Variants in ZNF234 observed in about 807,000 individuals in gnomAD.
ZNF234 encodes C2-H2 type zinc finger protein.
A neutral mutation model predicts 10.3 loss-of-function variants in ZNF234; 4 were observed. The observed-to-expected ratio is 0.39, with a 90% CI of 0.19 to 0.89. ZNF234 has a LOEUF of 0.89. ZNF234 is among the 40% of genes least tolerant of loss of function. The pLI, the probability that ZNF234 is intolerant of heterozygous loss-of-function variation, is 0.38. For synonymous variants in ZNF234, 258 were observed against 280.1 expected (o/e 0.92, Z 0.79); for missense variants, 711 against 836.1 (o/e 0.85, Z 1.85).
At chr19:44,153,287 C>G (rs1033582762) in intron 5 of ZNF234, among the ~76,000 whole-genome samples, 107 of 150,698 alleles carry the variant, frequency 7.1e-4, no homozygotes, top group Middle Eastern at 3.4e-3. Context: ...AATTAAGGAC[C>G]AGGTAACTTC....
chr19:44,158,250 T>G lies in ZNF234; in HGVS notation c.*131T>G. The G allele has an allele frequency of 9.8e-7, 1 of 1,023,474 alleles. No homozygotes were observed. Among genetic ancestry groups the G allele is most frequent in the Middle Eastern group, 2.6e-4 (1 of 3,802 alleles). The allele number at this position is 1,023,474 out of a possible 1,614,324, so 63.4% of individuals were successfully genotyped here. A position where few individuals can be genotyped will look rare whatever the true frequency, so the allele number is the denominator to read the frequency against. ...TAACGCTCCACATTTCCACCTAGACTTTTTTTTGTTTTTTATTTTTTGTTT... is the reference window on the plus strand; with the variant it reads ...TAACGCTCCACATTTCCACCTAGACGTTTTTTTGTTTTTTATTTTTTGTTT... On this transcript the variant is annotated 3_prime_UTR_variant, in exon 6 of 6. Transcript: ENST00000426739.
intron 3 of ZNF234, among the ~76,000 whole-genome samples, chr19:44,147,404 T>C (rs2147609401): frequency 1.3e-5 from 2 of 151,728 alleles, no homozygotes; most frequent in East Asian, 4.0e-4. Flanking sequence ...ATGCAGCTAA[T>C]TTTTTGTACT....
chr19:44,151,916 A>C (rs1206609876), intron 5 of ZNF234, among the ~76,000 whole-genome samples: 1 of 152,230 alleles, frequency 6.6e-6, no homozygotes, highest in East Asian at 1.9e-4. Flanking sequence ...TGCAACCTTA[A>C]TTACCCTTTG....
intron 3 of ZNF234, among the ~76,000 whole-genome samples, chr19:44,147,448 G>A (rs1029273196): frequency 1.3e-5 from 2 of 151,818 alleles, no homozygotes; most frequent in African/African-American, 4.8e-5. Flanking sequence ...ATGTTGCCCA[G>A]GCTGGTCTTG....
chr19:44,155,563 A>G (rs1968857862), intron 5 of ZNF234, among the ~76,000 whole-genome samples: 1 of 152,220 alleles, frequency 6.6e-6, no homozygotes, highest in African/African-American at 2.4e-5. Context: ...CAGAGATGGA[A>G]GAAAATCCAT....
chr19:44,154,114 C>T (rs1318324414), intron 5 of ZNF234, among the ~76,000 whole-genome samples: 1 of 152,104 alleles, frequency 6.6e-6, no homozygotes, highest in Non-Finnish European at 1.5e-5. Context: ...AGTAATAAAG[C>T]AGCCCTCATT....
chr19:44,143,078 A>G (rs1346907293), intron 2 of ZNF234, among the ~76,000 whole-genome samples: 1 of 152,040 alleles, frequency 6.6e-6, no homozygotes, highest in Admixed American at 6.6e-5. Flanking sequence ...TATTTCTCCT[A>G]TGACTATTTC....
At chr19:44,145,084 T>C (rs1968558268) in intron 3 of ZNF234, among the ~76,000 whole-genome samples, 1 of 152,184 alleles carries the variant, frequency 6.6e-6, no homozygotes, top group Non-Finnish European at 1.5e-5. Flanking sequence ...CCAAGCGTAT[T>C]GAGCGACAAC....
At chr19:44,151,327 C>T (rs1036540681) in intron 5 of ZNF234, among the ~76,000 whole-genome samples, 2 of 152,060 alleles carry the variant, frequency 1.3e-5, no homozygotes, top group African/African-American at 2.4e-5. Flanking sequence ...CTCAGCCTCC[C>T]AAGTAGCTGG....
In ZNF234 at chr19:44,159,816, C is replaced by A; in HGVS notation, c.*1697C>A. 1 of 260,664 alleles carries A rather than the reference C, an allele frequency of 3.8e-6. No homozygotes were observed. The highest frequency in any genetic ancestry group is 8.8e-5 in the East Asian group (1 of 11,370). 16.1% of individuals were successfully genotyped at this position (260,664 alleles called of 1,614,324 possible). The stretch of plus-strand genomic sequence containing the variant: ...TAGGAGGCCAAGGCAGGTGAATCAC[C>A]TGAGGTCAGGACTTAGAGACCAGCC... On this transcript the variant is annotated 3_prime_UTR_variant, in exon 6 of 6. Transcript: ENST00000426739.
At position 44,158,365 on chromosome 19, in the gene ZNF234, C is replaced by T. The variant is rs1412948826; in HGVS notation, c.*246C>T. On this transcript the variant is annotated 3_prime_UTR_variant, in exon 6 of 6. Transcript: ENST00000426739. Reference sequence around the variant, plus strand: ...CTCCACTTCCCGGGTTCAAGTGATTCTCCTGCCTCAGTGGATTACAGGTGC... The same window carrying T: ...CTCCACTTCCCGGGTTCAAGTGATTTTCCTGCCTCAGTGGATTACAGGTGC... 2.2e-6 allele frequency: 1 copy of T among 462,692 alleles called. No homozygotes were observed. Among genetic ancestry groups the T allele is most frequent in the Non-Finnish European group, 4.0e-6 (1 of 252,962 alleles). The allele number at this position is 462,692 out of a possible 1,614,324, so 28.7% of individuals were successfully genotyped here. A position where few individuals can be genotyped will look rare whatever the true frequency, so the allele number is the denominator to read the frequency against.
chr19:44,148,502 G>A (rs1248195456), intron 3 of ZNF234, among the ~76,000 whole-genome samples: 1 of 152,176 alleles, frequency 6.6e-6, no homozygotes, highest in Non-Finnish European at 1.5e-5. Flanking sequence ...CTCAGGATGC[G>A]TCATTTAGAG....
At chr19:44,150,876 A>T (rs537646926) in intron 5 of ZNF234, among the ~76,000 whole-genome samples, 513 of 152,132 alleles carry the variant, frequency 3.4e-3, no homozygotes, top group Non-Finnish European at 5.8e-3. Flanking sequence ...TCTACTAAAA[A>T]TACAAAAATT....
In ZNF234 at chr19:44,158,133, A is replaced by C; in HGVS notation, c.*14A>C. 2 of 1,584,728 alleles carry C rather than the reference A, an allele frequency of 1.3e-6. No homozygotes were observed. The highest frequency in any genetic ancestry group is 1.7e-6 in the Non-Finnish European group (2 of 1,172,820). On this transcript the variant is annotated 3_prime_UTR_variant, in exon 6 of 6. Coordinates refer to ENST00000426739, the MANE Select transcript of ZNF234 (RefSeq NM_006630.3). The stretch of plus-strand genomic sequence containing the variant: ...TCTACAAGGTGATTAAAAAAAAAAA[A>C]ACAGAACTCATGTACAACCTGAATG...
In ZNF234 at chr19:44,156,650, G is replaced by A. The variant is rs1568553714; in HGVS notation, c.634G>A (p.Glu212Lys). 1.1e-5 allele frequency: 17 copies of A among 1,614,136 alleles called. No homozygotes were observed. Among genetic ancestry groups the A allele is most frequent in the Non-Finnish European group, 1.4e-5 (17 of 1,180,016 alleles). Residue 212 changes from glutamate (E) to lysine (K), a missense_variant, in exon 6 of 6, where the codon GAA becomes AAA. Transcript: ENST00000426739. ...CTATAAGTGTGACGTGTGTGGTAAG[G>A]AATTTAGTCAGAGCTCACATCTTCA... ...KCYKCDVCGK[E>K]FSQSSHLQTH...
chr19:44,157,262 C>G lies in ZNF234; in HGVS notation c.1246C>G (p.Gln416Glu), dbSNP rs773279486. The G allele has an allele frequency of 7.4e-6, 12 of 1,613,812 alleles. No individual in the cohort carries two copies. The highest frequency in any genetic ancestry group is 1.7e-6 in the Non-Finnish European group (2 of 1,179,948). Residue 416 changes from glutamine (Q) to glutamate (E), a missense_variant, in exon 6 of 6, where the codon CAA becomes GAA. Transcript: ENST00000426739. ...GKSFRMKIHY[Q>E]VHLVVHTGEK... ...GAGCTTCAGAATGAAAATTCATTAT[C>G]AAGTGCATCTGGTAGTCCACACAGG...
rs1441966774 is a variant in ZNF234, at chr19:44,156,507, ATCT to A, written c.494_496del (p.Leu165del). 1.9e-6 allele frequency: 3 copies of A among 1,614,114 alleles called. No homozygotes were observed. Among genetic ancestry groups the A allele is most frequent in the Non-Finnish European group, 2.5e-6 (3 of 1,180,028 alleles). On this transcript the variant is annotated inframe_deletion, in exon 6 of 6. Transcript: ENST00000426739. ...TCCTTCACTGATGTCTTCAACTTTG[ATCT>A]TCATCAACAGTTACACTCAGGAGAG...
rs112737329 is a variant in ZNF234 at position 44,159,207 on chromosome 19, T to C, written c.*1088T>C. 1,778 of 152,404 alleles carry C rather than the reference T, an allele frequency of 0.012. 38 individuals are homozygous for C. Among genetic ancestry groups the C allele is most frequent in the African/African-American group, 0.041 (1,698 of 41,540 alleles). 9.4% of individuals were successfully genotyped at this position (152,404 alleles called of 1,614,324 possible). A position where few individuals can be genotyped will look rare whatever the true frequency, so the allele number is the denominator to read the frequency against. On this transcript the variant is annotated 3_prime_UTR_variant, in exon 6 of 6. Transcript: ENST00000426739. The stretch of plus-strand genomic sequence containing the variant: ...TTAATTTTATTTTTGAGACAGGACC[T>C]CGCTCTGTCACCGAGGCTGGAGTGC...
At chr19:44,145,203 G>A (rs1163546053) in intron 3 of ZNF234, among the ~76,000 whole-genome samples, 2 of 152,006 alleles carry the variant, frequency 1.3e-5, no homozygotes, top group Non-Finnish European at 2.9e-5. Context: ...TTTTCCTAAT[G>A]TGCATTCATA....
Sources: allele counts gnomAD v4.1 joint callset (sites outside exome capture counted in the v4.1 genomes callset), GRCh38; gene constraint gnomAD v4.1.1; transcripts MANE v1.5; gene names NCBI Gene and HGNC (gene_info 2026-07-23, HGNC 2026-07-21).